The following FCHSD2 variants were observed in gnomAD, a reference collection of about 807,000 sequenced individuals.
The protein encoded by FCHSD2 is F-BAR and double SH3 domains protein 2.
A neutral mutation model predicts 108.1 loss-of-function variants in FCHSD2; 38 were observed. That is an observed-to-expected ratio of 0.35 (90% CI 0.27 to 0.46). FCHSD2 has a LOEUF of 0.46. Among genes scored for constraint, FCHSD2 ranks in the 20% least tolerant of loss-of-function variants. The pLI, the probability that FCHSD2 is intolerant of heterozygous loss-of-function variation, is 1.00. For missense variants in FCHSD2, 751 were observed against 897.8 expected (o/e 0.84, Z 2.09); for synonymous variants, 279 against 314.7 (o/e 0.89, Z 1.20).
At chr11:73,115,427 C>T (rs1204797039) in intron 2 of FCHSD2, among the ~76,000 whole-genome samples, 1 of 152,180 alleles carries the variant, frequency 6.6e-6, no homozygotes, top group Non-Finnish European at 1.5e-5. Context: ...TTTGGCCTCC[C>T]AAAGTGCTGT....
intron 9 of FCHSD2, among the ~76,000 whole-genome samples, chr11:72,908,904 T>C (rs768472860): frequency 3.3e-5 from 5 of 152,186 alleles, no homozygotes; most frequent in Non-Finnish European, 5.9e-5. Context: ...TCTGCCCACC[T>C]TGGCCTCCTA....
chr11:73,083,534 C>T lies in FCHSD2; in HGVS notation c.165+161G>A, dbSNP rs536639343. On this transcript the variant is annotated intron_variant, in intron 3 of 19. Coordinates refer to ENST00000409418, the MANE Select transcript of FCHSD2 (RefSeq NM_014824.3). ...ACTGTACTCCAGCCTCGCAACAAAGCGAGACTCCATCTCAGAAAAAAAGAA... is the reference window on the plus strand; with the variant it reads ...ACTGTACTCCAGCCTCGCAACAAAGTGAGACTCCATCTCAGAAAAAAAGAA... 9.2e-4 allele frequency among the ~76,000 whole-genome samples: 136 copies of T among 147,740 alleles called. 1 individual carries two copies. The highest frequency in any genetic ancestry group is 1.2e-3 in the Non-Finnish European group (84 of 67,262).
intron 3 of FCHSD2, among the ~76,000 whole-genome samples, chr11:73,016,195 T>C (rs936880402): frequency 6.6e-6 from 1 of 151,078 alleles, no homozygotes; most frequent in African/African-American, 2.4e-5. Flanking sequence ...CCCAGCTACT[T>C]GGGAGGCTGA....
intron 4 of FCHSD2, among the ~76,000 whole-genome samples, chr11:73,013,259 T>C (rs899143303): frequency 6.6e-6 from 1 of 152,194 alleles, no homozygotes; most frequent in Admixed American, 6.5e-5. Context: ...TTTCTCATGC[T>C]CCATGCCTGG....
intron 12 of FCHSD2, among the ~76,000 whole-genome samples, chr11:72,886,726 C>T (rs1376019408): frequency 6.6e-6 from 1 of 152,168 alleles, no homozygotes; most frequent in East Asian, 1.9e-4. Flanking sequence ...TCACAAAAAT[C>T]CTCCACTCTA....
chr11:73,035,358 G>A (rs186425937), intron 3 of FCHSD2, among the ~76,000 whole-genome samples: 34 of 152,198 alleles, frequency 2.2e-4, no homozygotes, highest in Middle Eastern at 3.4e-3. Flanking sequence ...TGTAGAGACG[G>A]GGGTCTCATC....
Position 72,887,582 on chromosome 11 carries a change from A to C in FCHSD2, c.1042-8T>G. 6.7e-7 allele frequency: 1 copy of C among 1,495,854 alleles called. No homozygotes were observed. Among genetic ancestry groups the C allele is most frequent in the Non-Finnish European group, 9.0e-7 (1 of 1,111,130 alleles). 92.7% of individuals were successfully genotyped at this position (1,495,854 alleles called of 1,614,324 possible). ...CTCCAGATCATTTAGAACCTATTAA[A>C]GAAAATGGGACAATAATGATGACTG... is the stretch of plus-strand genomic sequence containing the variant. On this transcript the variant is annotated splice_polypyrimidine_tract_variant and splice_region_variant and intron_variant, in intron 11 of 19. Coordinates refer to ENST00000409418, the MANE Select transcript of FCHSD2 (RefSeq NM_014824.3).
chr11:72,972,835 C>T (rs999691658), intron 8 of FCHSD2, among the ~76,000 whole-genome samples: 4 of 152,200 alleles, frequency 2.6e-5, no homozygotes, highest in Non-Finnish European at 5.9e-5. Flanking sequence ...AAGTGCCTAT[C>T]ACCTAGTACA....
At chr11:73,088,779 C>A (rs370691571) in intron 2 of FCHSD2, among the ~76,000 whole-genome samples, 1 of 152,112 alleles carries the variant, frequency 6.6e-6, no homozygotes, top group Non-Finnish European at 1.5e-5. Context: ...CTAGTTCACA[C>A]TTTCACCATT....
chr11:73,061,437 C>T (rs1474401668), intron 3 of FCHSD2, among the ~76,000 whole-genome samples: 2 of 152,138 alleles, frequency 1.3e-5, no homozygotes, highest in South Asian at 2.1e-4. Flanking sequence ...CCAGTGGCAC[C>T]GGGAATACCA....
intron 2 of FCHSD2, among the ~76,000 whole-genome samples, chr11:73,138,730 C>T (rs563352250): frequency 6.6e-6 from 1 of 151,690 alleles, no homozygotes; most frequent in African/African-American, 2.4e-5. Flanking sequence ...GCCTCAGCCT[C>T]CTGAGTAGCT....
At chr11:73,102,392 TA>T (rs1428642850) in intron 2 of FCHSD2, among the ~76,000 whole-genome samples, 1 of 152,056 alleles carries the variant, frequency 6.6e-6, no homozygotes, top group East Asian at 1.9e-4. Flanking sequence ...CCAAGAGAAA[TA>T]AAAACATATG....
chr11:73,079,089 A>G (rs897337511), intron 3 of FCHSD2, among the ~76,000 whole-genome samples: 1 of 152,192 alleles, frequency 6.6e-6, no homozygotes, highest in African/African-American at 2.4e-5. Flanking sequence ...TTTATCAAAC[A>G]GTGTACTAAG....
chr11:73,063,308 C>G (rs1859210070), intron 3 of FCHSD2, among the ~76,000 whole-genome samples: 1 of 152,180 alleles, frequency 6.6e-6, no homozygotes. Flanking sequence ...TGGAAAGGAA[C>G]AACCGGTACC....
In FCHSD2 at chr11:72,958,847, T is replaced by C. The variant is rs546723654; in HGVS notation, c.705+25241A>G. Among the ~76,000 whole-genome samples the C allele has an allele frequency of 1.2e-3, 178 of 152,316 alleles. 1 individual carries two copies. Among genetic ancestry groups the C allele is most frequent in the African/African-American group, 4.1e-3 (170 of 41,566 alleles). ...AAACAGTAACACAAAATTCAGACTC[T>C]TGTTTCATAAAAGGACATTCTAGTC... On this transcript the variant is annotated intron_variant, in intron 8 of 19. Coordinates refer to ENST00000409418, the MANE Select transcript of FCHSD2 (RefSeq NM_014824.3).
chr11:73,069,428 G>A (rs372581330), intron 3 of FCHSD2, among the ~76,000 whole-genome samples: 5 of 148,620 alleles, frequency 3.4e-5, no homozygotes, highest in Admixed American at 3.3e-4. Flanking sequence ...AAAAAAAACT[G>A]GTATAAGAAC....
chr11:73,071,985 T>TA (rs1471585475), intron 3 of FCHSD2, among the ~76,000 whole-genome samples: 3 of 152,148 alleles, frequency 2.0e-5, no homozygotes, highest in Non-Finnish European at 2.9e-5. Context: ...GAGGTGCCTA[T>TA]AAAAAATCTT....
chr11:73,119,017 A>G (rs1338174214), intron 2 of FCHSD2, among the ~76,000 whole-genome samples: 1 of 152,198 alleles, frequency 6.6e-6, no homozygotes, highest in Admixed American at 6.5e-5. Context: ...CATATTCTCT[A>G]AAGGCCAGGC....
intron 8 of FCHSD2, among the ~76,000 whole-genome samples, chr11:72,938,087 C>A (rs1856338993): frequency 6.6e-6 from 1 of 152,064 alleles, no homozygotes; most frequent in Admixed American, 6.5e-5. Flanking sequence ...ATCCCCAGCA[C>A]CCTCAATGGC....
Sources: allele counts gnomAD v4.1 joint callset (sites outside exome capture counted in the v4.1 genomes callset), GRCh38; gene constraint gnomAD v4.1.1; transcripts MANE v1.5; gene names NCBI Gene and HGNC (gene_info 2026-07-23, HGNC 2026-07-21).